RECK: variants seen among roughly 807,000 people sequenced by gnomAD.
RECK encodes the protein reversion inducing cysteine rich protein with kazal motifs.
A neutral mutation model predicts 115.1 loss-of-function variants in RECK; 69 were observed. The observed-to-expected ratio is 0.60, with a 90% CI of 0.49 to 0.73. The LOEUF (loss-of-function observed/expected upper bound fraction) is 0.73, where lower values mean the gene tolerates loss of function less well. Among genes scored for constraint, RECK ranks in the 30% least tolerant of loss-of-function variants. The pLI is 0.00. For synonymous variants in RECK, 414 were observed against 419.7 expected, an observed-to-expected ratio of 0.99 and a Z score of 0.17; for missense variants, 1,047 against 1,203.7, an observed-to-expected ratio of 0.87 and a Z score of 1.93.
At chr9:36,043,389 G>T (rs1252874975) in intron 1 of RECK, among the ~76,000 whole-genome samples, 2 of 151,500 alleles carry the variant, frequency 1.3e-5, no homozygotes, top group African/African-American at 4.9e-5. Context: ...TTGCTGATTT[G>T]TCTGAGTTCC....
chr9:36,053,691 A>C (rs182870431), intron 2 of RECK, among the ~76,000 whole-genome samples: 3 of 152,094 alleles, frequency 2.0e-5, no homozygotes, highest in Admixed American at 2.0e-4. Context: ...TGCTTTTTCT[A>C]CTGATGTTCT....
intron 7 of RECK, 89 bp downstream of exon 7, chr9:36,080,727 C>G (rs1822650848): frequency 5.1e-6 from 6 of 1,167,448 alleles, no homozygotes; most frequent in Non-Finnish European, 7.5e-6. Flanking sequence ...CCGATAGGCT[C>G]TTTCCCATGG....
At chr9:36,116,877 T>C in intron 16 of RECK, 108 bp from the exon 17 acceptor site, 1 of 845,714 alleles carries the variant, frequency 1.2e-6, no homozygotes, top group Non-Finnish European at 1.9e-6. Context: ...ACTGTCCTGA[T>C]TCATCTCTTG....
chr9:36,080,753 C>G, intron 7 of RECK, 115 bp downstream of exon 7: 1 of 866,046 alleles, frequency 1.2e-6, no homozygotes, highest in Non-Finnish European at 1.8e-6. Flanking sequence ...TTAGGTCATT[C>G]ATGTATTATA....
Position 36,094,095 on chromosome 9 carries a change from A to G in RECK, c.1085+2752A>G, listed in dbSNP as rs61193517. On this transcript the variant is annotated intron_variant, in intron 10 of 20. Coordinates refer to ENST00000377966, the MANE Select transcript of RECK (RefSeq NM_021111.3). This position sits in a 1 kb window ranked among gnomAD's most constrained non-coding sequence, Gnocchi z 4.1. Reference sequence around the variant, plus strand: ...TGCCAGCAATCTCTCACTACAAGAAATTCTTCAGTCTGAAGGAAAATGCCA... The same window carrying G: ...TGCCAGCAATCTCTCACTACAAGAAGTTCTTCAGTCTGAAGGAAAATGCCA... Among the ~76,000 whole-genome samples the G allele has an allele frequency of 0.017, 2,587 of 152,268 alleles. 76 individuals carry two copies. Among genetic ancestry groups the G allele is most frequent in the African/African-American group, 0.06 (2,492 of 41,576 alleles).
chr9:36,087,340 A>G (rs1823005505), intron 8 of RECK, among the ~76,000 whole-genome samples: 1 of 152,220 alleles, frequency 6.6e-6, no homozygotes. Context: ...TGTCCTTTGC[A>G]GGGACATGGA....
In RECK at chr9:36,108,624, C is replaced by T. The variant is rs942268410; in HGVS notation, c.1765+460C>T. On this transcript the variant is annotated intron_variant, in intron 14 of 20. Coordinates refer to ENST00000377966, the MANE Select transcript of RECK (RefSeq NM_021111.3). The stretch of plus-strand genomic sequence containing the variant: ...GCCAAGGACACAGGTAATCTTCCCC[C>T]GACCCTTTCTTCAGGCATACCCCAC... 6.5e-4 allele frequency among the ~76,000 whole-genome samples: 99 copies of T among 152,108 alleles called. 1 individual carries two copies. Among genetic ancestry groups the T allele is most frequent in the African/African-American group, 2.0e-3 (84 of 41,414 alleles).
At chr9:36,050,647 A>C (rs1821249764) in intron 1 of RECK, among the ~76,000 whole-genome samples, 1 of 152,148 alleles carries the variant, frequency 6.6e-6, no homozygotes, top group Non-Finnish European at 1.5e-5. Flanking sequence ...TCCTTCTCAG[A>C]GTAAAAGCCA....
chr9:36,037,821 A>G (rs1043528544), intron 1 of RECK, among the ~76,000 whole-genome samples: 1 of 152,080 alleles, frequency 6.6e-6, no homozygotes, highest in East Asian at 1.9e-4. Context: ...TCAAGGCAGA[A>G]ATGTCCAGAG....
intron 6 of RECK, among the ~76,000 whole-genome samples, chr9:36,067,258 G>T (rs1377197239): frequency 1.3e-5 from 2 of 152,110 alleles, no homozygotes; most frequent in Admixed American, 6.6e-5. Context: ...ATCAACATCA[G>T]AATAATTTAT....
At chr9:36,099,449 A>T (rs540928451) in intron 10 of RECK, among the ~76,000 whole-genome samples, 1 of 152,218 alleles carries the variant, frequency 6.6e-6, no homozygotes, top group Non-Finnish European at 1.5e-5. Flanking sequence ...TTTCATAAAA[A>T]TACTTATATT....
chr9:36,050,311 A>G (rs1346561505), intron 1 of RECK, among the ~76,000 whole-genome samples: 1 of 152,098 alleles, frequency 6.6e-6, no homozygotes, highest in African/African-American at 2.4e-5. Flanking sequence ...GTATTTCTAG[A>G]TATTTCTGTT....
rs115597535 is a variant in RECK at position 36,071,520 on chromosome 9, C to T, written c.405+5896C>T. Among the ~76,000 whole-genome samples the T allele has an allele frequency of 7.4e-3, 1,120 of 152,254 alleles. 12 individuals carry two copies. The highest frequency in any genetic ancestry group is 0.024 in the African/African-American group (991 of 41,562). On this transcript the variant is annotated intron_variant, in intron 6 of 20. Coordinates refer to ENST00000377966, the MANE Select transcript of RECK (RefSeq NM_021111.3). ...AAGTACAATGCTACAAATTTGCCAT[C>T]ATACGTTTTATATTTTTTTACTTGT...
At chr9:36,044,648 T>C (rs1425000665) in intron 1 of RECK, among the ~76,000 whole-genome samples, 2 of 152,204 alleles carry the variant, frequency 1.3e-5, no homozygotes, top group Admixed American at 1.3e-4. Context: ...TTTCCTACTC[T>C]CACTAGAATA....
intron 18 of RECK, among the ~76,000 whole-genome samples, chr9:36,119,382 AGTT>A (rs1269818419): frequency 1.3e-4 from 20 of 152,338 alleles, no homozygotes; most frequent in African/African-American, 3.6e-4. Flanking sequence ...AATAGAAGAT[AGTT>A]GTTGTCTTAG....
rs563545663 is a variant in RECK at position 36,062,547 on chromosome 9, G to A, written c.272-1248G>A. On this transcript the variant is annotated intron_variant, in intron 4 of 20. Transcript: ENST00000377966. ...GGCTGGAGTGCAGTGGTGCAGTCTC[G>A]GCCCACTGCAGCCTCCACCTCCTGG... Among the ~76,000 whole-genome samples, 39 of 151,870 alleles carry A rather than the reference G, an allele frequency of 2.6e-4. No homozygotes were observed. The South Asian group carries it at 7.7e-3, about 30-fold the overall frequency.
At chr9:36,041,553 T>C (rs1027396058) in intron 1 of RECK, among the ~76,000 whole-genome samples, 1 of 152,186 alleles carries the variant, frequency 6.6e-6, no homozygotes, top group Non-Finnish European at 1.5e-5. Context: ...ATTAGGGGGC[T>C]GGTTATATAG....
intron 1 of RECK, among the ~76,000 whole-genome samples, chr9:36,049,766 A>C (rs1564099836): frequency 6.6e-6 from 1 of 152,218 alleles, no homozygotes; most frequent in Non-Finnish European, 1.5e-5. Context: ...TCAAAAGTAG[A>C]CTTCCTCAAA....
chr9:36,087,981 T>C lies in RECK; in HGVS notation c.905+20T>C. On this transcript the variant is annotated intron_variant, in intron 9 of 20. Transcript: ENST00000377966. ...ATGTAGGTTAGTATTTCATTTTCCT[T>C]TACCAAAATCAGTAGAAAATGGCAT... The C allele has an allele frequency of 6.3e-7, 1 of 1,585,522 alleles. No individual in the cohort carries two copies. The highest frequency in any genetic ancestry group is 1.1e-5 in the South Asian group (1 of 88,416).
Sources: allele counts gnomAD v4.1 joint callset (sites outside exome capture counted in the v4.1 genomes callset), GRCh38; gene constraint gnomAD v4.1.1; non-coding constraint Gnocchi (gnomAD v3.1); transcripts MANE v1.5; gene names NCBI Gene and HGNC (gene_info 2026-07-23, HGNC 2026-07-21).